ESRRG: variants seen among roughly 807,000 people sequenced by gnomAD.
ESRRG encodes estrogen-related receptor gamma.
ESRRG carries 13 observed loss-of-function variants against 44.0 expected under a neutral mutation model. The observed-to-expected ratio is 0.30, with a 90% CI of 0.19 to 0.47. The LOEUF (loss-of-function observed/expected upper bound fraction) is 0.47, where lower values mean the gene tolerates loss of function less well. Ranked by LOEUF, ESRRG falls within the 20% of genes least tolerant of loss-of-function variation. ESRRG has a pLI of 1.00. For missense variants in ESRRG, 395 were observed against 580.6 expected, an observed-to-expected ratio of 0.68 and a Z score of 3.29; for synonymous variants, 215 against 214.6, an observed-to-expected ratio of 1.00 and a Z score of -0.02.
At chr1:217,120,988 C>A (rs1166338) in intron 1 of ESRRG, among the ~76,000 whole-genome samples, 1 of 151,926 alleles carries the variant, frequency 6.6e-6, no homozygotes, top group African/African-American at 2.4e-5. Context: ...ACAGTGCCTA[C>A]AGACACACAA....
chr1:216,965,539 C>A (rs545065853), intron 1 of ESRRG, among the ~76,000 whole-genome samples: 45 of 152,278 alleles, frequency 3.0e-4, no homozygotes, highest in African/African-American at 1.1e-3. Context: ...GCCGAGGGGA[C>A]ATGCCCATCT....
chr1:216,992,175 T>G (rs978771657), intron 1 of ESRRG, among the ~76,000 whole-genome samples: 1 of 152,226 alleles, frequency 6.6e-6, no homozygotes, highest in Admixed American at 6.5e-5. Context: ...ACACAGTGCT[T>G]AAGCTTCCAA....
At chr1:216,738,334 G>A (rs1050068252) in intron 2 of ESRRG, among the ~76,000 whole-genome samples, 4 of 152,134 alleles carry the variant, frequency 2.6e-5, no homozygotes, top group Non-Finnish European at 5.9e-5. Context: ...GGATCCATCA[G>A]TTTATGAAAC....
chr1:216,640,570 C>T (rs1481881828), intron 3 of ESRRG, among the ~76,000 whole-genome samples: 1 of 151,942 alleles, frequency 6.6e-6, no homozygotes, highest in Non-Finnish European at 1.5e-5. Flanking sequence ...GACCAGTGCT[C>T]AGTGTCAGTT....
intron 2 of ESRRG, among the ~76,000 whole-genome samples, chr1:216,855,923 G>A (rs939483844): frequency 3.9e-5 from 6 of 152,128 alleles, no homozygotes; most frequent in African/African-American, 1.4e-4. Flanking sequence ...TTGAGTGAAG[G>A]CAGTTGTGCT....
intron 1 of ESRRG, among the ~76,000 whole-genome samples, chr1:216,977,110 T>G (rs550356065): frequency 2.0e-5 from 3 of 152,230 alleles, no homozygotes; most frequent in Non-Finnish European, 1.5e-5. Context: ...TTTGGAGAAA[T>G]CCTGGGAGTC....
intron 3 of ESRRG, among the ~76,000 whole-genome samples, chr1:216,628,796 A>C (rs1574387968): frequency 1.3e-5 from 2 of 152,180 alleles, no homozygotes; most frequent in Admixed American, 6.5e-5. Flanking sequence ...GCAAAGTCCA[A>C]AACCCTTAAA....
At chr1:217,057,058 G>A (rs1157072823) in intron 1 of ESRRG, among the ~76,000 whole-genome samples, 1 of 152,128 alleles carries the variant, frequency 6.6e-6, no homozygotes, top group Non-Finnish European at 1.5e-5. Flanking sequence ...TACTCCCCAT[G>A]AAGTGTGCAG....
At chr1:216,689,033 C>T (rs1272874750) in intron 1 of ESRRG, among the ~76,000 whole-genome samples, 5 of 152,120 alleles carry the variant, frequency 3.3e-5, no homozygotes, top group East Asian at 1.9e-4. Flanking sequence ...CCTTTTGATT[C>T]GCCATTGCTT....
intron 1 of ESRRG, among the ~76,000 whole-genome samples, chr1:216,706,796 A>T (rs1315285321): frequency 6.6e-6 from 1 of 152,224 alleles, no homozygotes; most frequent in African/African-American, 2.4e-5. Context: ...TTCACTAATC[A>T]TCTAATTAAA....
chr1:217,059,091 T>C (rs557271409), intron 1 of ESRRG, among the ~76,000 whole-genome samples: 2 of 149,382 alleles, frequency 1.3e-5, no homozygotes, highest in South Asian at 4.2e-4. Context: ...TCCACAGGGA[T>C]CAAACCTGAG....
chr1:216,758,790 T>C (rs1384111370), intron 2 of ESRRG, among the ~76,000 whole-genome samples: 3 of 152,022 alleles, frequency 2.0e-5, no homozygotes, highest in Non-Finnish European at 4.4e-5. Flanking sequence ...CAGGGGGTTA[T>C]GTACTCCCAA....
At chr1:216,745,101 G>A (rs2091236102) in intron 2 of ESRRG, among the ~76,000 whole-genome samples, 1 of 151,948 alleles carries the variant, frequency 6.6e-6, no homozygotes, top group Non-Finnish European at 1.5e-5. Context: ...ATACTCCCTG[G>A]ATTTTGCTAT....
At chr1:216,599,325 G>A (rs1450382807) in intron 3 of ESRRG, among the ~76,000 whole-genome samples, 1 of 152,066 alleles carries the variant, frequency 6.6e-6, no homozygotes, top group African/African-American at 2.4e-5. Context: ...ACAACAAGAA[G>A]AACTTTACAC....
intron 2 of ESRRG, among the ~76,000 whole-genome samples, chr1:216,875,795 C>T (rs2096342232): frequency 6.6e-6 from 1 of 152,112 alleles, no homozygotes; most frequent in Non-Finnish European, 1.5e-5. Flanking sequence ...ATTGCTGGGT[C>T]ACAGGCTATG....
At chr1:216,707,265 A>G in intron 1 of ESRRG, 1 of 1,408,350 alleles carries the variant, frequency 7.1e-7, no homozygotes. Context: ...TCAGTCTAAA[A>G]AAATCAAACC....
intron 2 of ESRRG, among the ~76,000 whole-genome samples, chr1:216,735,927 G>A (rs2089781809): frequency 6.8e-6 from 1 of 147,408 alleles, no homozygotes; most frequent in African/African-American, 2.5e-5. Flanking sequence ...GCAGGGAGCT[G>A]AGATCACACC....
chr1:216,702,608 C>CAA (rs61361041), intron 1 of ESRRG, among the ~76,000 whole-genome samples: 76,001 of 132,058 alleles, frequency 0.58, 22,648 homozygotes, highest in East Asian at 0.74. Flanking sequence ...ACTAAAAATA[C>CAA]AAAAAAAAAA....
intron 1 of ESRRG, among the ~76,000 whole-genome samples, chr1:217,122,282 A>T (rs1245208436): frequency 6.6e-6 from 1 of 152,186 alleles, no homozygotes; most frequent in East Asian, 1.9e-4. Flanking sequence ...AGGGAGCACT[A>T]ATATAAATTA....
Sources: gnomAD v4.1 joint callset for allele counts (sites outside exome capture counted in the v4.1 genomes callset) on GRCh38, gnomAD v4.1.1 for gene constraint, MANE v1.5 for transcripts, NCBI Gene and HGNC (gene_info 2026-07-23, HGNC 2026-07-21) for gene names.